Variants in CAMK4 observed in about 807,000 individuals in gnomAD.
CAMK4 encodes the protein calcium/calmodulin-dependent protein kinase type IV.
A neutral mutation model predicts 44.9 loss-of-function variants in CAMK4; 22 were observed. The ratio of observed to expected loss-of-function variants is 0.49; its 90% CI spans 0.35 to 0.70. The LOEUF is 0.70. Among genes scored for constraint, CAMK4 ranks in the 30% least tolerant of loss-of-function variants. The probability of loss-of-function intolerance (pLI) is 0.01; values close to 1 mark genes in which losing one functional copy is unlikely to be tolerated. For missense variants in CAMK4, 498 were observed against 586.8 expected (o/e 0.85, Z 1.56); for synonymous variants, 218 against 215.4 (o/e 1.01, Z -0.11).
At chr5:111,284,284 A>G (rs950259419) in intron 1 of CAMK4, among the ~76,000 whole-genome samples, 3 of 152,232 alleles carry the variant, frequency 2.0e-5, no homozygotes, top group Non-Finnish European at 4.4e-5. Flanking sequence ...GATTTGTCAA[A>G]TAAACATTAA....
At chr5:111,380,030 G>A (rs1751355058) in intron 4 of CAMK4, among the ~76,000 whole-genome samples, 2 of 152,064 alleles carry the variant, frequency 1.3e-5, no homozygotes, top group South Asian at 4.1e-4. Context: ...CTCCCATGAA[G>A]TTTCTGTTTA....
At chr5:111,389,036 A>G (rs141760203) in intron 4 of CAMK4, among the ~76,000 whole-genome samples, 1 of 152,224 alleles carries the variant, frequency 6.6e-6, no homozygotes, top group South Asian at 2.1e-4. Flanking sequence ...ATGTAACAAA[A>G]TTTCTTATAC....
At chr5:111,395,857 G>C (rs564355081) in intron 5 of CAMK4, among the ~76,000 whole-genome samples, 1 of 152,048 alleles carries the variant, frequency 6.6e-6, no homozygotes, top group East Asian at 1.9e-4. Flanking sequence ...TTCAAGACAG[G>C]GCCCAGGGAG....
At chr5:111,452,042 G>A (rs1391971404) in intron 7 of CAMK4, among the ~76,000 whole-genome samples, 4 of 152,180 alleles carry the variant, frequency 2.6e-5, no homozygotes, top group African/African-American at 9.7e-5. Flanking sequence ...TTGTTTTAAT[G>A]AGTTAGTATT....
chr5:111,236,522 C>A (rs374860675), intron 1 of CAMK4, among the ~76,000 whole-genome samples: 1 of 152,254 alleles, frequency 6.6e-6, no homozygotes, highest in Non-Finnish European at 1.5e-5. Context: ...GAGATTCAAG[C>A]CCTGGTTTGT....
At chr5:111,367,656 A>T (rs541683995) in intron 2 of CAMK4, among the ~76,000 whole-genome samples, 7 of 152,224 alleles carry the variant, frequency 4.6e-5, no homozygotes, top group Admixed American at 1.3e-4. Context: ...TTTAAATGAG[A>T]TAGGACATCT....
At chr5:111,457,176 T>C (rs970612287) in intron 7 of CAMK4, among the ~76,000 whole-genome samples, 1 of 152,224 alleles carries the variant, frequency 6.6e-6, no homozygotes, top group Non-Finnish European at 1.5e-5. Context: ...ATGAAGGATA[T>C]TTTAACTTAA....
At chr5:111,230,240 G>A (rs780291156) in intron 1 of CAMK4, among the ~76,000 whole-genome samples, 64 of 152,238 alleles carry the variant, frequency 4.2e-4, no homozygotes, top group Non-Finnish European at 6.5e-4. Flanking sequence ...GTAGCTTGCT[G>A]TTGTTAAAAA....
At chr5:111,334,298 C>G (rs1291045506) in intron 1 of CAMK4, among the ~76,000 whole-genome samples, 12 of 151,402 alleles carry the variant, frequency 7.9e-5, no homozygotes. Flanking sequence ...AGTAGCTTTC[C>G]TCCAGTTGTT....
At chr5:111,389,239 A>G (rs1317052814) in intron 4 of CAMK4, among the ~76,000 whole-genome samples, 1 of 152,106 alleles carries the variant, frequency 6.6e-6, no homozygotes, top group African/African-American at 2.4e-5. Context: ...AAAGGCATGA[A>G]TCCCATTCAT....
chr5:111,458,366 T>C (rs79666394), intron 7 of CAMK4, among the ~76,000 whole-genome samples: 2,083 of 152,322 alleles, frequency 0.014, 50 homozygotes, highest in African/African-American at 0.047. Flanking sequence ...TGAAGAAAAC[T>C]GCGTCTTTGG....
intron 2 of CAMK4, among the ~76,000 whole-genome samples, chr5:111,369,228 G>A (rs781165340): frequency 2.6e-5 from 4 of 151,658 alleles, no homozygotes; most frequent in East Asian, 1.9e-4. Context: ...GCCATGCCCC[G>A]CTAATTTTGT....
chr5:111,472,294 G>A (rs1186336170), intron 7 of CAMK4, among the ~76,000 whole-genome samples: 1 of 152,112 alleles, frequency 6.6e-6, no homozygotes, highest in African/African-American at 2.4e-5. Flanking sequence ...CCCAGAGAAT[G>A]GTATGGTGTC....
intron 5 of CAMK4, among the ~76,000 whole-genome samples, chr5:111,404,083 G>A (rs1281331061): frequency 1.3e-5 from 2 of 152,212 alleles, no homozygotes; most frequent in Non-Finnish European, 2.9e-5. Flanking sequence ...TTTTGAAGGA[G>A]GAGGGGTCGG....
intron 7 of CAMK4, among the ~76,000 whole-genome samples, chr5:111,450,250 C>T (rs1282370047): frequency 6.6e-6 from 1 of 152,158 alleles, no homozygotes; most frequent in Non-Finnish European, 1.5e-5. Flanking sequence ...AGGAGAATCC[C>T]TAGAACCCAG....
chr5:111,232,703 T>A (rs1748534011), intron 1 of CAMK4, among the ~76,000 whole-genome samples: 1 of 151,992 alleles, frequency 6.6e-6, no homozygotes, highest in Non-Finnish European at 1.5e-5. Flanking sequence ...GGACTCAGAA[T>A]TTGCCACTAC....
chr5:111,235,383 A>C (rs1392923084), intron 1 of CAMK4, among the ~76,000 whole-genome samples: 1 of 152,160 alleles, frequency 6.6e-6, no homozygotes, highest in Non-Finnish European at 1.5e-5. Context: ...AATTCAATAA[A>C]TCAGCCTGGC....
intron 1 of CAMK4, among the ~76,000 whole-genome samples, chr5:111,260,768 C>G (rs1749938854): frequency 6.6e-6 from 1 of 152,094 alleles, no homozygotes; most frequent in Admixed American, 6.6e-5. Flanking sequence ...GATCCTGCAC[C>G]TTATCTATAC....
intron 4 of CAMK4, among the ~76,000 whole-genome samples, chr5:111,393,128 CAAAG>C (rs900417094): frequency 4.6e-5 from 7 of 152,104 alleles, no homozygotes; most frequent in African/African-American, 1.4e-4. Flanking sequence ...TTTTAGCTAA[CAAAG>C]AAGCAGCAAT....
Sources: allele counts gnomAD v4.1 joint callset (sites outside exome capture counted in the v4.1 genomes callset), GRCh38; gene constraint gnomAD v4.1.1; transcripts MANE v1.5; gene names NCBI Gene and HGNC (gene_info 2026-07-23, HGNC 2026-07-21).